Variants in OTOG observed in about 807,000 individuals in gnomAD.
The protein encoded by OTOG is otogelin.
In OTOG, 296 loss-of-function variants were observed where a neutral mutation model predicts 313.8. The ratio of observed to expected loss-of-function variants is 0.94; its 90% CI spans 0.86 to 1.04. OTOG has a LOEUF of 1.04. Ranked by LOEUF, OTOG falls within the 50% of genes least tolerant of loss-of-function variation. The probability of loss-of-function intolerance (pLI) is 0.00; values close to 1 mark genes in which losing one functional copy is unlikely to be tolerated. For missense variants in OTOG, 3,948 were observed against 3,840.1 expected (o/e 1.03, Z -0.74); for synonymous variants, 1,533 against 1,554.9 (o/e 0.99, Z 0.33).
intron 33 of OTOG, among the ~76,000 whole-genome samples, chr11:17,606,947 TG>T (rs1404589180): frequency 1.3e-5 from 2 of 152,238 alleles, no homozygotes; most frequent in African/African-American, 4.8e-5. Context: ...TTGCTCATGA[TG>T]GGAGTATTTG....
At chr11:17,585,864 AG>A (rs1841607671) in intron 23 of OTOG, among the ~76,000 whole-genome samples, 1 of 152,222 alleles carries the variant, frequency 6.6e-6, no homozygotes, top group African/African-American at 2.4e-5. Flanking sequence ...AGGAAGGTTA[AG>A]TAACTTGTTT....
intron 23 of OTOG, among the ~76,000 whole-genome samples, 199 bp from the exon 24 acceptor site, chr11:17,586,275 G>A (rs555697836): frequency 1.3e-5 from 2 of 152,228 alleles, no homozygotes; most frequent in Admixed American, 6.5e-5. Flanking sequence ...GGCCTAGTCT[G>A]TTACTGGTTT....
intron 33 of OTOG, among the ~76,000 whole-genome samples, chr11:17,607,124 T>C (rs570787765): frequency 1.3e-5 from 2 of 152,364 alleles, no homozygotes; most frequent in Admixed American, 6.5e-5. Flanking sequence ...GTCTCGGAAG[T>C]GTGCTGTGAG....
At chr11:17,629,340 G>A (rs1251438042) in intron 40 of OTOG, 24 bp downstream of exon 40, 1 of 1,535,594 alleles carries the variant, frequency 6.5e-7, no homozygotes, top group Non-Finnish European at 8.8e-7. Context: ...CAGCTTGCGG[G>A]GAGGGGATGC....
chr11:17,638,317 T>TG, intron 47 of OTOG, 134 bp from the exon 48 acceptor site: 1 of 754,118 alleles, frequency 1.3e-6, no homozygotes, highest in South Asian at 1.9e-5. Flanking sequence ...GACTCTTCCC[T>TG]GGGGCTCTGA....
chr11:17,585,921 T>C (rs1208757006), intron 23 of OTOG, among the ~76,000 whole-genome samples: 3 of 152,236 alleles, frequency 2.0e-5, no homozygotes, highest in Non-Finnish European at 4.4e-5. Flanking sequence ...TTGCCAAAGT[T>C]TGTATTCTTA....
At chr11:17,563,010 G>A (rs966101327) in intron 15 of OTOG, among the ~76,000 whole-genome samples, 1 of 152,146 alleles carries the variant, frequency 6.6e-6, no homozygotes, top group Non-Finnish European at 1.5e-5. Flanking sequence ...TCTCTACGGG[G>A]GAACTTCTTG....
rs1223495552 is a variant in OTOG at position 17,574,807 on chromosome 11, GT to G, written c.2382del (p.Cys794TrpfsTer9). On this transcript the variant is annotated frameshift_variant, in exon 20 of 56. Transcript: ENST00000399397. LOFTEE classifies it high-confidence loss of function. ...TCQDLASPEA[C>X]GVDGGDDLSR... ...CAGGACCTGGCCAGCCCTGAGGCCTGTGGGGTTGATGGTGGCGATGACCTGA... is the reference window on the plus strand; with the variant it reads ...CAGGACCTGGCCAGCCCTGAGGCCTGGGGGTTGATGGTGGCGATGACCTGA... 23 of 1,550,508 alleles carry G rather than the reference GT, an allele frequency of 1.5e-5. No individual in the cohort carries two copies. The highest frequency in any genetic ancestry group is 2.0e-5 in the Non-Finnish European group (23 of 1,146,972).
At chr11:17,609,526 C>G in intron 35 of OTOG, 129 bp from the exon 36 acceptor site, 5 of 868,666 alleles carry the variant, frequency 5.8e-6, no homozygotes, top group Admixed American at 2.9e-5. Flanking sequence ...GACATCTGGC[C>G]GTTAGAAGCT....
At chr11:17,603,862 G>T (rs74546512) in intron 32 of OTOG, among the ~76,000 whole-genome samples, 2,362 of 152,290 alleles carry the variant, frequency 0.016, 56 homozygotes, top group African/African-American at 0.053. Flanking sequence ...GGTCACCGGG[G>T]TGCTAGTGTT....
At chr11:17,594,199 C>G (rs1339194595) in intron 28 of OTOG, 33 bp downstream of exon 28, 5 of 1,550,412 alleles carry the variant, frequency 3.2e-6, no homozygotes, top group South Asian at 1.2e-5. Context: ...GCTTATGCCC[C>G]TCACTCAGAT....
intron 33 of OTOG, among the ~76,000 whole-genome samples, chr11:17,606,780 C>A (rs116392166): frequency 6.6e-6 from 1 of 152,204 alleles, no homozygotes; most frequent in Non-Finnish European, 1.5e-5. Context: ...TGCATGTACA[C>A]GTATGTAAAT....
Position 17,634,104 on chromosome 11 carries a change from G to C in OTOG, c.7303G>C (p.Gly2435Arg). The C allele has an allele frequency of 6.5e-7, 1 of 1,548,112 alleles. No homozygotes were observed. The highest frequency in any genetic ancestry group is 8.7e-7 in the Non-Finnish European group (1 of 1,146,940). Residue 2435 changes from glycine (G) to arginine (R), a missense_variant, in exon 44 of 56, where the codon GGG becomes CGG. Transcript: ENST00000399397. ...CAGCATGGGGGTGCCGAGGGCCCTG[G>C]GGGAGACCTGGAACAGCTCCCTCAG... ...TDSMGVPRALGETWNSSLSGC... is the reference protein window; with the variant it reads ...TDSMGVPRALRETWNSSLSGC...
rs1282964633 is a variant in OTOG at position 17,634,926 on chromosome 11, C to T, written c.7563C>T (p.Ser2521=). ...HRLLTHFQED[S]CCPSYSCECD... ...TCCTCACCCACTTCCAGGAGGACTC[C>T]TGCTGCCCCAGCTACAGCTGTGGTG... Residue 2521 remains serine (S), a synonymous_variant, in exon 45 of 56, where the codon TCC becomes TCT. Transcript: ENST00000399397. 2.9e-6 allele frequency: 4 copies of T among 1,384,264 alleles called. No homozygotes were observed. Among genetic ancestry groups the T allele is most frequent in the Non-Finnish European group, 3.8e-6 (4 of 1,042,074 alleles). The allele number at this position is 1,384,264 out of a possible 1,614,324, so 85.7% of individuals were successfully genotyped here. A position where few individuals can be genotyped will look rare whatever the true frequency, so the allele number is the denominator to read the frequency against.
chr11:17,585,003 C>G (rs770740899), intron 23 of OTOG, among the ~76,000 whole-genome samples: 5 of 152,158 alleles, frequency 3.3e-5, no homozygotes, highest in Non-Finnish European at 5.9e-5. Context: ...TCCATACTTG[C>G]AACGTTTTTG....
rs1206206494 is a variant in OTOG at position 17,569,144 on chromosome 11, C to T, written c.1645-12C>T. 1 of 1,550,496 alleles carries T rather than the reference C, an allele frequency of 6.4e-7. No individual in the cohort carries two copies. The highest frequency in any genetic ancestry group is 1.4e-5 in the African/African-American group (1 of 73,058). ...GACCAACACTGCCCCATTGACCTTT[C>T]TATCTCTCCAGAACCAAGATGGAGC... On this transcript the variant is annotated splice_polypyrimidine_tract_variant and intron_variant, in intron 15 of 55. Coordinates refer to ENST00000399397, the MANE Select transcript of OTOG (RefSeq NM_001292063.2).
Position 17,645,602 on chromosome 11 carries a change from C to T in OTOG, c.8500C>T (p.Arg2834Cys), listed in dbSNP as rs1265044491. Residue 2834 changes from arginine (R) to cysteine (C), a missense_variant, in exon 55 of 56, where the codon CGC (arginine) becomes TGC (cysteine). By Grantham distance (180) the Arg-to-Cys change is radical (BLOSUM62 -3). Transcript: ENST00000399397. Reference protein sequence around the residue: ...DGRSCKKVTIRMTIRKNECRS... With the variant: ...DGRSCKKVTICMTIRKNECRS... ...GCGCTCCTGCAAGAAGGTGACCATC[C>T]GCATGACCATCCGCAAGAATGAATG... 27 of 1,550,616 alleles carry T rather than the reference C, an allele frequency of 1.7e-5. No individual in the cohort carries two copies. Among genetic ancestry groups the T allele is most frequent in the South Asian group, 3.6e-5 (3 of 84,056 alleles).
chr11:17,625,541 C>G (rs886241858), intron 39 of OTOG, among the ~76,000 whole-genome samples: 7 of 152,196 alleles, frequency 4.6e-5, no homozygotes, highest in Non-Finnish European at 8.8e-5. Context: ...TGATATGCCA[C>G]TGGATCCAGT....
chr11:17,640,839 G>C lies in OTOG; in HGVS notation c.8011+19G>C, dbSNP rs1364484830. On this transcript the variant is annotated intron_variant, in intron 50 of 55. Coordinates refer to ENST00000399397, the MANE Select transcript of OTOG (RefSeq NM_001292063.2). ...GAGTGTGGTGAGTGGGGGAAGCCTC[G>C]GGGCAGAGCCATGCAGGAGGGGCAT... 2 of 1,550,060 alleles carry C rather than the reference G, an allele frequency of 1.3e-6. No homozygotes were observed. The highest frequency in any genetic ancestry group is 8.7e-7 in the Non-Finnish European group (1 of 1,146,990).
Sources: allele counts gnomAD v4.1 joint callset (sites outside exome capture counted in the v4.1 genomes callset), GRCh38; gene constraint gnomAD v4.1.1; transcripts MANE v1.5; gene names NCBI Gene and HGNC (gene_info 2026-07-23, HGNC 2026-07-21).